Variants in SLAMF1 observed in about 807,000 individuals in gnomAD.
SLAMF1 encodes the protein signaling lymphocytic activation molecule.
In SLAMF1, 18 loss-of-function variants were observed where a neutral mutation model predicts 35.1. The observed-to-expected ratio is 0.51, with a 90% confidence interval of 0.35 to 0.76. SLAMF1 has a LOEUF of 0.76. Ranked by LOEUF, SLAMF1 falls within the 30% of genes least tolerant of loss-of-function variation. The probability of loss-of-function intolerance (pLI) is 0.01; values close to 1 mark genes in which losing one functional copy is unlikely to be tolerated. For missense variants in SLAMF1, 392 were observed against 413.0 expected (o/e 0.95, Z 0.44); for synonymous variants, 168 against 157.2 (o/e 1.07, Z -0.51).
At chr1:160,638,024 C>G (rs1239540978) in intron 1 of SLAMF1, among the ~76,000 whole-genome samples, 1 of 152,090 alleles carries the variant, frequency 6.6e-6, no homozygotes, top group East Asian at 1.9e-4. Flanking sequence ...AATGTGGAGT[C>G]AGGAAGTGAT....
chr1:160,625,052 ATGGAGAAGGAAAACAGCC>A (rs1190964451), intron 3 of SLAMF1, among the ~76,000 whole-genome samples: 1 of 152,200 alleles, frequency 6.6e-6, no homozygotes, highest in African/African-American at 2.4e-5. Flanking sequence ...TTCTCATTTT[ATGGAGAAGGAAAACAGCC>A]TGGAGAACCT....
intron 4 of SLAMF1, among the ~76,000 whole-genome samples, chr1:160,621,374 C>T (rs1659601660): frequency 6.6e-6 from 1 of 151,984 alleles, no homozygotes; most frequent in Admixed American, 6.5e-5. Flanking sequence ...GCCTGGCCAA[C>T]ATGGGGAAAC....
In SLAMF1 at chr1:160,608,211, C is replaced by T. The variant is rs150891866; in HGVS notation, c.*2537G>A. On this transcript the variant is annotated 3_prime_UTR_variant, in exon 7 of 7. Transcript: ENST00000302035. ...GGCTTCTCAGCCAGCACACACCACC[C>T]GCTGTAACAATCACATCCCCGCTGT... 3.9e-5 allele frequency: 6 copies of T among 152,322 alleles called. No homozygotes were observed. In the East Asian group the frequency reaches 5.8e-4, roughly 15 times the overall value. 9.4% of individuals were successfully genotyped at this position (152,322 alleles called of 1,614,324 possible).
intron 1 of SLAMF1, among the ~76,000 whole-genome samples, chr1:160,641,238 T>C (rs774427493): frequency 5.3e-5 from 8 of 152,092 alleles, no homozygotes. Context: ...GATTAAAAAT[T>C]GCTAGCGTAG....
intron 1 of SLAMF1, among the ~76,000 whole-genome samples, chr1:160,644,148 C>T (rs1301097835): frequency 1.3e-5 from 2 of 152,172 alleles, no homozygotes; most frequent in South Asian, 2.1e-4. Context: ...TTGGACATTT[C>T]TATACTTCAA....
At chr1:160,624,639 C>A (rs1257054229) in intron 3 of SLAMF1, among the ~76,000 whole-genome samples, 1 of 152,102 alleles carries the variant, frequency 6.6e-6, no homozygotes, top group African/African-American at 2.4e-5. Context: ...ATCTACTTAT[C>A]TTTTTTAAAA....
At position 160,618,097 on chromosome 1, in the gene SLAMF1, A is replaced by G. The variant is rs570111816; in HGVS notation, c.864+1679T>C. On this transcript the variant is annotated intron_variant, in intron 5 of 6. Transcript: ENST00000302035. ...AAAAACAAAAAACAAAAAACAAAAA[A>G]CACGCAACACTGAAAAATGTAATTT... Among the ~76,000 whole-genome samples the G allele has an allele frequency of 3.7e-4, 57 of 152,138 alleles. 1 individual carries two copies. In the South Asian group the frequency reaches 0.011, roughly 31 times the overall value.
intron 5 of SLAMF1, among the ~76,000 whole-genome samples, chr1:160,613,380 C>T (rs1659104337): frequency 6.6e-6 from 1 of 152,176 alleles, no homozygotes; most frequent in Admixed American, 6.5e-5. Context: ...GTACTCCCCA[C>T]AGAACAGTAT....
At chr1:160,626,977 C>T (rs1160457820) in intron 3 of SLAMF1, among the ~76,000 whole-genome samples, 3 of 152,154 alleles carry the variant, frequency 2.0e-5, no homozygotes, top group African/African-American at 7.2e-5. Flanking sequence ...TTCCCTGTCC[C>T]TTGGACTCCT....
At chr1:160,619,937 A>C (rs1659516172) in intron 4 of SLAMF1, 88 bp from the exon 5 acceptor site, 1 of 860,404 alleles carries the variant, frequency 1.2e-6, no homozygotes, top group Admixed American at 1.9e-5. Context: ...TCCTTTGCAT[A>C]CCCACTTTCC....
chr1:160,643,175 C>T (rs1200572091), intron 1 of SLAMF1, among the ~76,000 whole-genome samples: 4 of 152,052 alleles, frequency 2.6e-5, no homozygotes, highest in African/African-American at 9.7e-5. Context: ...AGGCAGCTAT[C>T]CCCCCTCCCC....
chr1:160,629,111 G>A (rs1660032314), intron 3 of SLAMF1, among the ~76,000 whole-genome samples: 2 of 152,172 alleles, frequency 1.3e-5, no homozygotes, highest in East Asian at 1.9e-4. Context: ...AGAGGCGGCC[G>A]AGCAGGCTGG....
Position 160,610,064 on chromosome 1 carries a change from A to C in SLAMF1, c.*684T>G. The stretch of plus-strand genomic sequence containing the variant: ...ACAGAACTGTACTTTTAAGGCTCTT[A>C]CATGGTTTCCAGTCCACTGTTCAAA... On this transcript the variant is annotated 3_prime_UTR_variant, in exon 7 of 7. Transcript: ENST00000302035. The C allele has an allele frequency of 3.2e-6, 1 of 309,216 alleles. No individual in the cohort carries two copies. Among genetic ancestry groups the C allele is most frequent in the Non-Finnish European group, 6.3e-6 (1 of 157,574 alleles). The allele number at this position is 309,216 out of a possible 1,614,324, so 19.2% of individuals were successfully genotyped here.
At chr1:160,644,450 A>G (rs542375239) in intron 1 of SLAMF1, among the ~76,000 whole-genome samples, 1 of 152,366 alleles carries the variant, frequency 6.6e-6, no homozygotes, top group East Asian at 1.9e-4. Context: ...CACATAAAGC[A>G]TTTAGAACAG....
In SLAMF1 at chr1:160,634,700, T is replaced by C. The variant is rs962565281; in HGVS notation, c.613A>G (p.Asn205Asp). 6.2e-7 allele frequency: 1 copy of C among 1,614,074 alleles called. No homozygotes were observed. Among genetic ancestry groups the C allele is most frequent in the East Asian group, 2.2e-5 (1 of 44,878 alleles). ...TTGCTCACGGTGCAGATGTAGATAT[T>C]GTCAGCATGCTGGGGGCCGAGGGTG... ...SLTLGPQHADNIYICTVSNPI... is the reference protein window; with the variant it reads ...SLTLGPQHADDIYICTVSNPI... The change falls in exon 3 of 7, where the codon AAT becomes GAT. Residue 205 changes from asparagine (N) to aspartate (D), a missense_variant. Coordinates refer to ENST00000302035, the MANE Select transcript of SLAMF1 (RefSeq NM_003037.5).
chr1:160,610,566 A>C lies in SLAMF1; in HGVS notation c.*182T>G. ...TGCACAGCAAGCTAAATTCTTGGGA[A>C]GCCTCACTTCCTTGTTCATTTCACA... On this transcript the variant is annotated 3_prime_UTR_variant, in exon 7 of 7. Transcript: ENST00000302035. 1.6e-6 allele frequency: 1 copy of C among 609,700 alleles called. No individual in the cohort carries two copies. 37.8% of individuals were successfully genotyped at this position (609,700 alleles called of 1,614,324 possible).
chr1:160,643,585 T>A (rs915389859), intron 1 of SLAMF1, among the ~76,000 whole-genome samples: 2 of 152,202 alleles, frequency 1.3e-5, no homozygotes, highest in Admixed American at 6.5e-5. Context: ...GAAGTTTTAT[T>A]TCCCCACCCT....
intron 3 of SLAMF1, among the ~76,000 whole-genome samples, chr1:160,632,308 A>C (rs1438730941): frequency 6.6e-6 from 1 of 152,154 alleles, no homozygotes; most frequent in Non-Finnish European, 1.5e-5. Flanking sequence ...GATGAAACAG[A>C]GACCCAAGAG....
chr1:160,641,819 G>T (rs1660763650), intron 1 of SLAMF1, among the ~76,000 whole-genome samples: 1 of 152,164 alleles, frequency 6.6e-6, no homozygotes, highest in African/African-American at 2.4e-5. Flanking sequence ...GTGTGTCTGT[G>T]ATTCAGCCAG....
Sources: gnomAD v4.1 joint callset for allele counts (sites outside exome capture counted in the v4.1 genomes callset) on GRCh38, gnomAD v4.1.1 for gene constraint, MANE v1.5 for transcripts, NCBI Gene and HGNC (gene_info 2026-07-23, HGNC 2026-07-21) for gene names.